Variants in FGF9 observed in about 807,000 individuals in gnomAD.
The protein encoded by FGF9 is fibroblast growth factor 9, also known as fibroblast growth factor 9 (glia-activating factor).
FGF9 carries 3 observed loss-of-function variants against 19.9 expected under a neutral mutation model. That is an observed-to-expected ratio of 0.15 (90% CI 0.07 to 0.39). The LOEUF is 0.39. FGF9 is among the 10% of genes least tolerant of loss of function. FGF9 has a pLI of 1.00. For synonymous variants in FGF9, 107 were observed against 106.9 expected, an observed-to-expected ratio of 1.00 and a Z score of -0.01; for missense variants, 175 against 256.8, an observed-to-expected ratio of 0.68 and a Z score of 2.18.
rs888116599 is a variant in FGF9, at chr13:21,671,163, G to A, written c.-750G>A. Among the ~76,000 whole-genome samples the A allele has an allele frequency of 2.0e-5, 3 of 152,240 alleles. No individual in the cohort carries two copies. Among genetic ancestry groups the A allele is most frequent in the African/African-American group, 7.2e-5 (3 of 41,464 alleles). The stretch of plus-strand genomic sequence containing the variant: ...GCCGGCGCGGCAACACCTGTTCGCG[G>A]CAGCCTGGGCGGCACGCGAGCTCCC... On this transcript the variant is annotated 5_prime_UTR_variant, in exon 1 of 3. Transcript: ENST00000382353.
intron 2 of FGF9, among the ~76,000 whole-genome samples, chr13:21,696,117 T>C (rs1872405586): frequency 6.6e-6 from 1 of 152,208 alleles, no homozygotes; most frequent in Non-Finnish European, 1.5e-5. Context: ...CTTTTTCAAA[T>C]TGTCTAATAT....
intron 2 of FGF9, among the ~76,000 whole-genome samples, chr13:21,689,352 A>G (rs901594178): frequency 1.3e-5 from 2 of 152,190 alleles, no homozygotes; most frequent in African/African-American, 4.8e-5. Context: ...TGTGCTTCCC[A>G]TGGTCCTGCC....
Position 21,701,207 on chromosome 13 carries a change from G to T in FGF9, c.399G>T (p.Glu133Asp). Residue 133 changes from glutamate to aspartate, a missense_variant, in exon 3 of 3, where the codon GAG (glutamate) becomes GAT (aspartate). Physicochemically the swap from Glu to Asp is conservative, Grantham distance 45 (BLOSUM62 2). Transcript: ENST00000382353. ...ELYGSEKLTQ[E>D]CVFREQFEEN... is the part of the protein sequence containing the mutation. ...TTTTACAGGAAAAACTAACCCAAGAGTGTGTATTCAGAGAACAGTTCGAAG... is the reference window on the plus strand; with the variant it reads ...TTTTACAGGAAAAACTAACCCAAGATTGTGTATTCAGAGAACAGTTCGAAG... 1 of 1,613,668 alleles carries T rather than the reference G, an allele frequency of 6.2e-7. No homozygotes were observed. The highest frequency in any genetic ancestry group is 8.5e-7 in the Non-Finnish European group (1 of 1,179,768).
chr13:21,673,970 C>A, intron 1 of FGF9: 1 of 152,536 alleles, frequency 6.6e-6, no homozygotes. Context: ...TTCAGTGCTG[C>A]GGGGACCACG....
Position 21,691,266 on chromosome 13 carries a change from A to C in FGF9, c.382-9924A>C, listed in dbSNP as rs968677254. ...GTCAGACATGTAAACCAAGAATTATAATTTGGTGTGATGAATGTTAGAATT... is the reference window on the plus strand; with the variant it reads ...GTCAGACATGTAAACCAAGAATTATCATTTGGTGTGATGAATGTTAGAATT... On this transcript the variant is annotated intron_variant, in intron 2 of 2. Coordinates refer to ENST00000382353, the MANE Select transcript of FGF9 (RefSeq NM_002010.3). This position sits in a 1 kb window ranked among gnomAD's most constrained non-coding sequence, Gnocchi z 4.2. Among the ~76,000 whole-genome samples the C allele has an allele frequency of 2.0e-5, 3 of 152,228 alleles. No individual in the cohort carries two copies. Among genetic ancestry groups the C allele is most frequent in the Non-Finnish European group, 4.4e-5 (3 of 68,034 alleles).
chr13:21,697,933 G>T lies in FGF9; in HGVS notation c.382-3257G>T, dbSNP rs17840913. Among the ~76,000 whole-genome samples the T allele has an allele frequency of 8.4e-3, 1,269 of 151,320 alleles. 20 individuals are homozygous for T. Among genetic ancestry groups the T allele is most frequent in the African/African-American group, 0.029 (1,188 of 41,204 alleles). ...CGCCATTCTCCTGCCTCAGCCTCCC[G>T]AGTAGCTGGGACTACAGGCGCCCAC... On this transcript the variant is annotated intron_variant, in intron 2 of 2. Coordinates refer to ENST00000382353, the MANE Select transcript of FGF9 (RefSeq NM_002010.3).
Position 21,671,648 on chromosome 13 carries a change from C to A in FGF9, c.-265C>A. 1 of 602,758 alleles carries A rather than the reference C, an allele frequency of 1.7e-6. No individual in the cohort carries two copies. The highest frequency in any genetic ancestry group is 2.9e-6 in the Non-Finnish European group (1 of 339,836). 37.3% of individuals were successfully genotyped at this position (602,758 alleles called of 1,614,324 possible). ...AGCTGGGGATCTATCTATAGAGATA[C>A]ATAGATATGTTTATCAATATGTCAG... is the stretch of plus-strand genomic sequence containing the variant. On this transcript the variant is annotated 5_prime_UTR_variant, in exon 1 of 3. Coordinates refer to ENST00000382353, the MANE Select transcript of FGF9 (RefSeq NM_002010.3).
intron 2 of FGF9, among the ~76,000 whole-genome samples, chr13:21,688,942 A>C (rs1325794052): frequency 6.6e-6 from 1 of 152,194 alleles, no homozygotes; most frequent in Non-Finnish European, 1.5e-5. Flanking sequence ...AAACATCCCA[A>C]GCTAGTATAG....
At chr13:21,677,028 A>G (rs1187052547) in intron 1 of FGF9, among the ~76,000 whole-genome samples, 1 of 152,188 alleles carries the variant, frequency 6.6e-6, no homozygotes, top group Non-Finnish European at 1.5e-5. Context: ...CTGGTCTCTC[A>G]TGGACCATGG....
intron 2 of FGF9, among the ~76,000 whole-genome samples, chr13:21,695,083 C>CGTGTGTGT (rs59076902): frequency 1.7e-4 from 24 of 137,144 alleles, no homozygotes; most frequent in African/African-American, 6.3e-4. Context: ...TGTGTGTGTG[C>CGTGTGTGT]GTGTGTGTGT....
At chr13:21,676,759 G>A (rs2138130169) in intron 1 of FGF9, among the ~76,000 whole-genome samples, 1 of 152,328 alleles carries the variant, frequency 6.6e-6, no homozygotes, top group South Asian at 2.1e-4. Context: ...TGCGTTGGGG[G>A]CTCTTAAGCC....
rs201279299 is a variant in FGF9, at chr13:21,701,705, GTGTA to G, written c.*274_*277del. The G allele has an allele frequency of 0.017, 7,450 of 445,276 alleles. 63 individuals carry two copies. The highest frequency in any genetic ancestry group is 0.022 in the Non-Finnish European group (5,438 of 244,536). 27.6% of individuals were successfully genotyped at this position (445,276 alleles called of 1,614,324 possible). A position where few individuals can be genotyped will look rare whatever the true frequency, so the allele number is the denominator to read the frequency against. On this transcript the variant is annotated 3_prime_UTR_variant, in exon 3 of 3. Coordinates refer to ENST00000382353, the MANE Select transcript of FGF9 (RefSeq NM_002010.3). ...GAGAGAGACTGAGCGCTAGGAGTGT[GTGTA>G]TGTGTGTGTGTGTGTGTGTGTGTGT... is the stretch of plus-strand genomic sequence containing the variant.
intron 2 of FGF9, among the ~76,000 whole-genome samples, chr13:21,699,317 C>T (rs1872486125): frequency 6.6e-6 from 1 of 152,222 alleles, no homozygotes; most frequent in Admixed American, 6.5e-5. Context: ...CTAAAGTTTT[C>T]CCATCCTTTT....
chr13:21,675,190 T>G (rs1871882504), intron 1 of FGF9, among the ~76,000 whole-genome samples: 1 of 151,578 alleles, frequency 6.6e-6, no homozygotes, highest in African/African-American at 2.4e-5. Flanking sequence ...TGCCACTCAC[T>G]CTGGCTGGGA....
chr13:21,675,067 A>G (rs1461873078), intron 1 of FGF9, among the ~76,000 whole-genome samples: 1 of 144,520 alleles, frequency 6.9e-6, no homozygotes, highest in African/African-American at 2.6e-5. Context: ...GTAGTGTTGG[A>G]TGGGAGGGGA....
intron 1 of FGF9, among the ~76,000 whole-genome samples, chr13:21,677,395 C>G (rs1871942932): frequency 6.6e-6 from 1 of 152,158 alleles, no homozygotes; most frequent in African/African-American, 2.4e-5. Context: ...TGTCTCTGCA[C>G]AGAAGGCTTC....
rs1872583725 is a variant in FGF9, at chr13:21,703,007, A to T, written c.*1572A>T. 6.6e-6 allele frequency: 1 copy of T among 152,258 alleles called. No individual in the cohort carries two copies. Among genetic ancestry groups the T allele is most frequent in the African/African-American group, 2.4e-5 (1 of 41,470 alleles). The allele number at this position is 152,258 out of a possible 1,614,324, so 9.4% of individuals were successfully genotyped here. A position where few individuals can be genotyped will look rare whatever the true frequency, so the allele number is the denominator to read the frequency against. On this transcript the variant is annotated 3_prime_UTR_variant, in exon 3 of 3. Transcript: ENST00000382353. Reference sequence around the variant, plus strand: ...GCATAAGAATACGTATTTCTTTAGTAGCAATAATTTTGGAACTTGCCCTTG... The same window carrying T: ...GCATAAGAATACGTATTTCTTTAGTTGCAATAATTTTGGAACTTGCCCTTG...
At chr13:21,687,039 G>A (rs907466153) in intron 2 of FGF9, among the ~76,000 whole-genome samples, 2 of 152,168 alleles carry the variant, frequency 1.3e-5, no homozygotes, top group African/African-American at 2.4e-5. Context: ...TTACTAGTAG[G>A]TTTGGTTATG....
At chr13:21,686,162 G>A (rs531815117) in intron 2 of FGF9, among the ~76,000 whole-genome samples, 2 of 152,214 alleles carry the variant, frequency 1.3e-5, no homozygotes, top group South Asian at 2.1e-4. Context: ...CCCGAGTAGC[G>A]GGGATTACAG....
Sources: allele counts gnomAD v4.1 joint callset (sites outside exome capture counted in the v4.1 genomes callset), GRCh38; gene constraint gnomAD v4.1.1; non-coding constraint Gnocchi (gnomAD v3.1); transcripts MANE v1.5; gene names NCBI Gene and HGNC (gene_info 2026-07-23, HGNC 2026-07-21).